AGAP1: variants seen among roughly 807,000 people sequenced by gnomAD.
AGAP1 encodes the protein arf-GAP with GTPase, ANK repeat and PH domain-containing protein 1.
A neutral mutation model predicts 105.3 loss-of-function variants in AGAP1; 29 were observed. That is an observed-to-expected ratio of 0.28 (90% CI 0.21 to 0.38). The LOEUF (loss-of-function observed/expected upper bound fraction) is 0.38, where lower values mean the gene tolerates loss of function less well. Among genes scored for constraint, AGAP1 ranks in the 10% least tolerant of loss-of-function variants. The probability of loss-of-function intolerance (pLI) is 1.00; values close to 1 mark genes in which losing one functional copy is unlikely to be tolerated. For synonymous variants in AGAP1, 509 were observed against 485.9 expected (o/e 1.05, Z -0.63); for missense variants, 998 against 1,165.1 (o/e 0.86, Z 2.09).
In AGAP1 at chr2:236,055,231, C is replaced by T. The variant is rs1347602872; in HGVS notation, c.2114+5950C>T. Among the ~76,000 whole-genome samples the T allele has an allele frequency of 3.9e-5, 6 of 152,164 alleles. No individual in the cohort carries two copies. Among genetic ancestry groups the T allele is most frequent in the South Asian group, 2.1e-4 (1 of 4,832 alleles). Reference sequence around the variant, plus strand: ...GTTTTAATCAGCCTGTCTTCTACTCCGGCGATCAGAGTTAACAATTATAGC... The same window carrying T: ...GTTTTAATCAGCCTGTCTTCTACTCTGGCGATCAGAGTTAACAATTATAGC... On this transcript the variant is annotated intron_variant, in intron 16 of 17. Coordinates refer to ENST00000304032, the MANE Select transcript of AGAP1 (RefSeq NM_001037131.3). The surrounding 1 kb of genome is among the most constrained non-coding windows in gnomAD (Gnocchi z 6.2).
In AGAP1 at chr2:235,750,607, G is replaced by A; in HGVS notation, c.673+119G>A. Reference sequence around the variant, plus strand: ...GTGGAAATATGTCGTTGATGGGTGGGCATTAGTATCGAGAGCAGTCCATTC... The same window carrying A: ...GTGGAAATATGTCGTTGATGGGTGGACATTAGTATCGAGAGCAGTCCATTC... On this transcript the variant is annotated intron_variant, in intron 6 of 17. Transcript: ENST00000304032. The surrounding 1 kb of genome is among the most constrained non-coding windows in gnomAD (Gnocchi z 5.3). 1.4e-6 allele frequency: 2 copies of A among 1,451,346 alleles called. No homozygotes were observed. The highest frequency in any genetic ancestry group is 9.5e-7 in the Non-Finnish European group (1 of 1,047,426). 89.9% of individuals were successfully genotyped at this position (1,451,346 alleles called of 1,614,324 possible).
intron 6 of AGAP1, among the ~76,000 whole-genome samples, chr2:235,791,421 TTTC>T (rs1434847965): frequency 6.6e-6 from 1 of 152,174 alleles, no homozygotes; most frequent in Non-Finnish European, 1.5e-5. Context: ...TTTCTTTTCT[TTTC>T]TTTTTTTTGT....
intron 13 of AGAP1, among the ~76,000 whole-genome samples, chr2:236,021,656 G>A (rs1364593030): frequency 6.6e-6 from 1 of 152,166 alleles, no homozygotes; most frequent in Non-Finnish European, 1.5e-5. Flanking sequence ...GAAAGTACAA[G>A]GGAGATAGCA....
intron 9 of AGAP1, among the ~76,000 whole-genome samples, chr2:235,851,136 C>T (rs779547712): frequency 5.3e-5 from 8 of 152,362 alleles, no homozygotes; most frequent in Admixed American, 2.0e-4. Flanking sequence ...TAGCCTTGGA[C>T]ACAGCAGCCA....
rs142088511 is a variant in AGAP1 at position 235,596,486 on chromosome 2, C to A, written c.163+101637C>A. ...TTTGGATTCAGCAAGGCAAGGTGGA[C>A]CTGAGAGTCTGTGTTTCTGGTGAGC... On this transcript the variant is annotated intron_variant, in intron 1 of 17. Transcript: ENST00000304032. This position sits in a 1 kb window ranked among gnomAD's most constrained non-coding sequence, Gnocchi z 5.9. Among the ~76,000 whole-genome samples, 85 of 152,226 alleles carry A rather than the reference C, an allele frequency of 5.6e-4. No individual in the cohort carries two copies. The highest frequency in any genetic ancestry group is 1.8e-3 in the Admixed American group (27 of 15,292).
chr2:235,848,643 C>A (rs1444246696), intron 9 of AGAP1, among the ~76,000 whole-genome samples: 1 of 152,194 alleles, frequency 6.6e-6, no homozygotes, highest in African/African-American at 2.4e-5. Context: ...AGTACTTTTA[C>A]ATTTTCCAAA....
intron 9 of AGAP1, among the ~76,000 whole-genome samples, chr2:235,860,769 TTAAA>T (rs1481459358): frequency 3.9e-5 from 6 of 152,236 alleles, no homozygotes; most frequent in Non-Finnish European, 2.9e-5. Flanking sequence ...TTGAGTAATC[TTAAA>T]TAATTAAAGG....
chr2:235,841,874 T>A (rs982988870), intron 9 of AGAP1, among the ~76,000 whole-genome samples: 1 of 152,196 alleles, frequency 6.6e-6, no homozygotes, highest in Non-Finnish European at 1.5e-5. Context: ...TGATTTCCTG[T>A]TTCCTCACCC....
intron 3 of AGAP1, among the ~76,000 whole-genome samples, chr2:235,722,991 A>G (rs1951464830): frequency 6.6e-6 from 1 of 152,146 alleles, no homozygotes; most frequent in Admixed American, 6.5e-5. Flanking sequence ...TTGGCAGGTT[A>G]GAGAAGCTTG....
intron 13 of AGAP1, among the ~76,000 whole-genome samples, chr2:236,006,508 A>G (rs2056328015): frequency 6.6e-6 from 1 of 152,246 alleles, no homozygotes; most frequent in African/African-American, 2.4e-5. Context: ...AACCATCTGT[A>G]TCTATATTTA....
chr2:235,525,046 G>A (rs1480376463), intron 1 of AGAP1, among the ~76,000 whole-genome samples: 3 of 152,178 alleles, frequency 2.0e-5, no homozygotes, highest in African/African-American at 4.8e-5. Flanking sequence ...AATTTCTTAC[G>A]GTTAGTACAT....
In AGAP1 at chr2:235,989,492, G is replaced by C. The variant is rs1320773233; in HGVS notation, c.1645+20869G>C. ...GGACAGGATGAGCTGGGCTGGAGGA[G>C]GGTTTGCCCTAGGGAGGCAGCCCCA... On this transcript the variant is annotated intron_variant, in intron 13 of 17. Transcript: ENST00000304032. This position sits in a 1 kb window ranked among gnomAD's most constrained non-coding sequence, Gnocchi z 4.4. Among the ~76,000 whole-genome samples the C allele has an allele frequency of 1.3e-5, 2 of 152,176 alleles. No individual in the cohort carries two copies. Among genetic ancestry groups the C allele is most frequent in the African/African-American group, 2.4e-5 (1 of 41,456 alleles).
chr2:235,527,477 C>A (rs6724321), intron 1 of AGAP1, among the ~76,000 whole-genome samples: 103,916 of 151,962 alleles, frequency 0.68, 35,576 homozygotes, highest in Admixed American at 0.75. Flanking sequence ...TTCAGGTGAT[C>A]CCCCCACCAT....
In AGAP1 at chr2:236,076,420, G is replaced by T. The variant is rs1362104634; in HGVS notation, c.2114+27139G>T. On this transcript the variant is annotated intron_variant, in intron 16 of 17. Transcript: ENST00000304032. This position sits in a 1 kb window ranked among gnomAD's most constrained non-coding sequence, Gnocchi z 4.4. Reference sequence around the variant, plus strand: ...AGACCACACCATTGTACTCCAGCCTGGGTGACAGAGTGAGACTCCATCTCA... The same window carrying T: ...AGACCACACCATTGTACTCCAGCCTTGGTGACAGAGTGAGACTCCATCTCA... Among the ~76,000 whole-genome samples the T allele has an allele frequency of 6.6e-6, 1 of 152,070 alleles. No individual in the cohort carries two copies. Among genetic ancestry groups the T allele is most frequent in the Admixed American group, 6.5e-5 (1 of 15,270 alleles).
chr2:235,745,482 T>C (rs1952856570), intron 5 of AGAP1, among the ~76,000 whole-genome samples: 1 of 152,228 alleles, frequency 6.6e-6, no homozygotes, highest in Non-Finnish European at 1.5e-5. Flanking sequence ...ATGGTTGTGC[T>C]GGGTCTGCCA....
At chr2:235,571,964 A>AGTGTGTGTG (rs1944535185) in intron 1 of AGAP1, among the ~76,000 whole-genome samples, 1 of 42,766 alleles carries the variant, frequency 2.3e-5, no homozygotes, top group African/African-American at 1.4e-4. Context: ...GTGTGTATAC[A>AGTGTGTGTG]TATATATGTA....
intron 13 of AGAP1, among the ~76,000 whole-genome samples, chr2:236,022,655 C>G (rs1054095627): frequency 6.6e-6 from 1 of 152,176 alleles, no homozygotes. Context: ...ATGCCTCGGC[C>G]TCCTGAGTAG....
chr2:235,686,665 A>ATATTTTT (rs1369766503), intron 1 of AGAP1, among the ~76,000 whole-genome samples: 7 of 77,502 alleles, frequency 9.0e-5, no homozygotes, highest in East Asian at 4.5e-4. Flanking sequence ...ATATATATAT[A>ATATTTTT]TTTTTTTTTT....
chr2:235,517,655 G>C lies in AGAP1; in HGVS notation c.163+22806G>C, dbSNP rs1458848666. On this transcript the variant is annotated intron_variant, in intron 1 of 17. Transcript: ENST00000304032. The surrounding 1 kb of genome is among the most constrained non-coding windows in gnomAD (Gnocchi z 4.1). ...AAAACTTGATTTAAAAAGAAGCCTGGGCCAGATGCAGTGGCTCACACCTGT... is the reference window on the plus strand; with the variant it reads ...AAAACTTGATTTAAAAAGAAGCCTGCGCCAGATGCAGTGGCTCACACCTGT... Among the ~76,000 whole-genome samples, 1 of 152,088 alleles carries C rather than the reference G, an allele frequency of 6.6e-6. No homozygotes were observed. The highest frequency in any genetic ancestry group is 1.5e-5 in the Non-Finnish European group (1 of 68,022).
Sources: allele counts gnomAD v4.1 joint callset (sites outside exome capture counted in the v4.1 genomes callset), GRCh38; gene constraint gnomAD v4.1.1; non-coding constraint Gnocchi (gnomAD v3.1); transcripts MANE v1.5; gene names NCBI Gene and HGNC (gene_info 2026-07-23, HGNC 2026-07-21).